Variants in PPP2R2C observed in about 807,000 individuals in gnomAD.
PPP2R2C encodes protein phosphatase 2, regulatory subunit B, gamma.
In PPP2R2C, 10 loss-of-function variants were observed where a neutral mutation model predicts 45.3. That is an observed-to-expected ratio of 0.22 (90% CI 0.14 to 0.37). PPP2R2C has a LOEUF of 0.37. Among genes scored for constraint, PPP2R2C ranks in the 10% least tolerant of loss-of-function variants. PPP2R2C has a pLI of 1.00. For missense variants in PPP2R2C, 308 were observed against 619.7 expected, an observed-to-expected ratio of 0.50 and a Z score of 5.34; for synonymous variants, 257 against 245.4, an observed-to-expected ratio of 1.05 and a Z score of -0.44.
intron 1 of PPP2R2C, among the ~76,000 whole-genome samples, chr4:6,388,355 A>G (rs1198401989): frequency 1.3e-5 from 2 of 152,232 alleles, no homozygotes; most frequent in Non-Finnish European, 2.9e-5. Flanking sequence ...ATGGGCAAAG[A>G]TGGTATCGTG....
intron 6 of PPP2R2C, 46 bp downstream of exon 6, chr4:6,347,800 C>CCCCG: frequency 8.8e-6 from 11 of 1,253,252 alleles, no homozygotes; most frequent in Non-Finnish European, 1.2e-5. Context: ...CCCACCCGCC[C>CCCCG]GCCTGCCCAA....
At chr4:6,373,353 T>C (rs958082927) in intron 4 of PPP2R2C, among the ~76,000 whole-genome samples, 1 of 152,218 alleles carries the variant, frequency 6.6e-6, no homozygotes, top group Non-Finnish European at 1.5e-5. Flanking sequence ...GTTGTTTTGT[T>C]ACAGCGGTGG....
At position 6,321,851 on chromosome 4, in the gene PPP2R2C, G is replaced by C. The variant is rs1731569913; in HGVS notation, c.*1451C>G. 6.6e-6 allele frequency: 1 copy of C among 152,176 alleles called. No individual in the cohort carries two copies. Among genetic ancestry groups the C allele is most frequent in the Non-Finnish European group, 1.5e-5 (1 of 68,040 alleles). The allele number at this position is 152,176 out of a possible 1,614,324, so 9.4% of individuals were successfully genotyped here. A position where few individuals can be genotyped will look rare whatever the true frequency, so the allele number is the denominator to read the frequency against. ...ACCTTCTCTGTGGCCCTCATTGTCA[G>C]AGGGGCAGAGTTCCCGAGGGATGTG... is the stretch of plus-strand genomic sequence containing the variant. On this transcript the variant is annotated 3_prime_UTR_variant, in exon 9 of 9. Transcript: ENST00000382599.
chr4:6,348,676 C>T (rs961782820), intron 5 of PPP2R2C: 4 of 985,244 alleles, frequency 4.1e-6, no homozygotes, highest in Non-Finnish European at 4.8e-6. Flanking sequence ...AGCTTGGTCA[C>T]CCCTGCTGTG....
At position 6,563,161 on chromosome 4, in the gene PPP2R2C, G is replaced by A. The variant is rs998520045; in HGVS notation, c.-59+399C>T. Among the ~76,000 whole-genome samples, 1 of 152,176 alleles carries A rather than the reference G, an allele frequency of 6.6e-6. No individual in the cohort carries two copies. The highest frequency in any genetic ancestry group is 1.5e-5 in the Non-Finnish European group (1 of 68,032). Reference sequence around the variant, plus strand: ...GCACCTTCAGCCGGGCAGCGAGGGGGGGCTCGAGCGCGCCGGTTCTCGGCC... The same window carrying A: ...GCACCTTCAGCCGGGCAGCGAGGGGAGGCTCGAGCGCGCCGGTTCTCGGCC... On this transcript the variant is annotated intron_variant, in intron 1 of 9. Transcript: ENST00000506140. The surrounding 1 kb of genome is among the most constrained non-coding windows in gnomAD (Gnocchi z 5.8).
chr4:6,326,736 G>A (rs370911476), intron 8 of PPP2R2C, among the ~76,000 whole-genome samples: 1 of 152,254 alleles, frequency 6.6e-6, no homozygotes, highest in African/African-American at 2.4e-5. Context: ...ATGTGGACCA[G>A]AGACTGAGAG....
intron 1 of PPP2R2C, among the ~76,000 whole-genome samples, chr4:6,413,711 G>A (rs1432545754): frequency 6.6e-6 from 1 of 152,224 alleles, no homozygotes; most frequent in Non-Finnish European, 1.5e-5. Flanking sequence ...GGCCAGGGAT[G>A]ACCCCTATTT....
rs375517565 is a variant in PPP2R2C at position 6,525,816 on chromosome 4, G to C, written c.49+9455C>G. On this transcript the variant is annotated intron_variant, in intron 2 of 9. Coordinates refer to the PPP2R2C transcript ENST00000506140. ...CCTCCCGGGTTCAAGTGATTCTCCC[G>C]CCTCAGCCTCCCGAATAGCTGGGAC... Among the ~76,000 whole-genome samples the C allele has an allele frequency of 6.6e-5, 10 of 152,200 alleles. 2 individuals are homozygous for C. Among genetic ancestry groups the C allele is most frequent in the African/African-American group, 2.4e-4 (10 of 41,526 alleles).
At chr4:6,396,697 C>T (rs1717056554) in intron 1 of PPP2R2C, among the ~76,000 whole-genome samples, 1 of 152,234 alleles carries the variant, frequency 6.6e-6, no homozygotes, top group Non-Finnish European at 1.5e-5. Context: ...TCCCCGCTTC[C>T]AGATAAGGAA....
intron 5 of PPP2R2C, among the ~76,000 whole-genome samples, chr4:6,365,791 G>A (rs1035815500): frequency 6.6e-6 from 1 of 152,224 alleles, no homozygotes; most frequent in Admixed American, 6.5e-5. Context: ...TCCAGGCCGA[G>A]GCTTGGTGTG....
Position 6,323,164 on chromosome 4 carries a change from G to A in PPP2R2C, c.*138C>T, listed in dbSNP as rs1345511661. On this transcript the variant is annotated 3_prime_UTR_variant, in exon 9 of 9. Coordinates refer to ENST00000382599, the MANE Select transcript of PPP2R2C (RefSeq NM_020416.4). ...GGCAGGGAGGGGGCCCAAACTTCCT[G>A]TGTCCACACACTGCCACCTCTGCAG... The A allele has an allele frequency of 7.6e-6, 8 of 1,049,292 alleles. No individual in the cohort carries two copies. The highest frequency in any genetic ancestry group is 1.0e-5 in the Non-Finnish European group (8 of 770,576). The allele number at this position is 1,049,292 out of a possible 1,614,324, so 65.0% of individuals were successfully genotyped here.
At chr4:6,455,375 C>T (rs947986538) in intron 1 of PPP2R2C, among the ~76,000 whole-genome samples, 7 of 152,140 alleles carry the variant, frequency 4.6e-5, no homozygotes, top group Admixed American at 3.9e-4. Context: ...TTGGGGCAGT[C>T]GTTGTTCAGC....
intron 5 of PPP2R2C, chr4:6,351,253 C>T: frequency 1.8e-6 from 1 of 542,768 alleles, no homozygotes; most frequent in Non-Finnish European, 2.3e-6. Flanking sequence ...GCAGAGGTTG[C>T]AGTGAGCTGA....
intron 1 of PPP2R2C, among the ~76,000 whole-genome samples, chr4:6,548,377 A>C (rs1448802701): frequency 1.3e-5 from 2 of 152,124 alleles, no homozygotes; most frequent in East Asian, 1.9e-4. Context: ...TCCTGCTCCC[A>C]TCCTCACAGC....
chr4:6,372,799 CAG>C lies in PPP2R2C; in HGVS notation c.448-101_448-100del, dbSNP rs1714961176. ...GTGATCCCAACCGGAGGCTGGAACA[CAG>C]GGGTGGGCGTCCATCCTGATCCTCC... On this transcript the variant is annotated intron_variant, in intron 4 of 8. Transcript: ENST00000382599. The C allele has an allele frequency of 1.2e-5, 15 of 1,258,184 alleles. No individual in the cohort carries two copies. The South Asian group carries it at 2.0e-4, about 17-fold the overall frequency. The allele number at this position is 1,258,184 out of a possible 1,614,324, so 77.9% of individuals were successfully genotyped here. A position where few individuals can be genotyped will look rare whatever the true frequency, so the allele number is the denominator to read the frequency against.
chr4:6,364,098 T>C lies in PPP2R2C; in HGVS notation c.625+8425A>G, dbSNP rs1342645066. On this transcript the variant is annotated intron_variant, in intron 5 of 8. Transcript: ENST00000382599. This position sits in a 1 kb window ranked among gnomAD's most constrained non-coding sequence, Gnocchi z 5.3. ...CAGTCCAGGAGGGAGAGGCGGGAAA[T>C]GAACAGGGAACGAGGTAGAGGCCAA... is the stretch of plus-strand genomic sequence containing the variant. 6.6e-6 allele frequency among the ~76,000 whole-genome samples: 1 copy of C among 151,776 alleles called. No individual in the cohort carries two copies. The highest frequency in any genetic ancestry group is 1.9e-4 in the East Asian group (1 of 5,184).
chr4:6,560,352 G>A (rs541818146), intron 1 of PPP2R2C, among the ~76,000 whole-genome samples: 3 of 152,360 alleles, frequency 2.0e-5, no homozygotes, highest in Non-Finnish European at 2.9e-5. Context: ...AATAAGATTT[G>A]CTTTTTTTCT....
upstream of PPP2R2C, among the ~76,000 whole-genome samples, chr4:6,474,249 A>C (rs1577210376): frequency 8.7e-6 from 1 of 114,584 alleles, no homozygotes; most frequent in African/African-American, 3.4e-5. Flanking sequence ...ACACCCCCTC[A>C]CCTCTCTAGC....
At chr4:6,361,923 A>G (rs1713779643) in intron 5 of PPP2R2C, among the ~76,000 whole-genome samples, 1 of 152,212 alleles carries the variant, frequency 6.6e-6, no homozygotes, top group Admixed American at 6.5e-5. Context: ...AGAGATTTAT[A>G]ACGAGGCCCT....
Sources: gnomAD v4.1 joint callset for allele counts (sites outside exome capture counted in the v4.1 genomes callset) on GRCh38, gnomAD v4.1.1 for gene constraint, Gnocchi (gnomAD v3.1) non-coding constraint, MANE v1.5 for transcripts, NCBI Gene and HGNC (gene_info 2026-07-23, HGNC 2026-07-21) for gene names.